Variants in CLSTN1 observed in about 807,000 individuals in gnomAD.
The protein encoded by CLSTN1 is calsyntenin-1.
A neutral mutation model predicts 108.3 loss-of-function variants in CLSTN1; 28 were observed. The observed-to-expected ratio is 0.26, with a 90% CI of 0.19 to 0.35. The LOEUF is 0.35. CLSTN1 is among the 10% of genes least tolerant of loss of function. The pLI is 1.00. For synonymous variants in CLSTN1, 524 were observed against 534.9 expected (o/e 0.98, Z 0.28); for missense variants, 1,157 against 1,302.6 (o/e 0.89, Z 1.72).
chr1:9,756,339 C>T (rs1313905706), intron 3 of CLSTN1, 142 bp downstream of exon 3: 6 of 676,270 alleles, frequency 8.9e-6, no homozygotes, highest in Middle Eastern at 3.9e-4. Flanking sequence ...CATCAATATA[C>T]TTTAAAATAG....
At chr1:9,777,081 G>A (rs1485494542) in intron 1 of CLSTN1, among the ~76,000 whole-genome samples, 1 of 151,902 alleles carries the variant, frequency 6.6e-6, no homozygotes, top group African/African-American at 2.4e-5. Flanking sequence ...TTAGCCGGGT[G>A]TGGTGACACG....
chr1:9,797,577 G>A (rs1654066140), intron 1 of CLSTN1, among the ~76,000 whole-genome samples: 1 of 152,120 alleles, frequency 6.6e-6, no homozygotes, highest in Admixed American at 6.6e-5. Flanking sequence ...GGAGTTGGAG[G>A]TTGCAGTGAG....
At chr1:9,744,898 C>T (rs923058790) in intron 7 of CLSTN1, among the ~76,000 whole-genome samples, 4 of 152,060 alleles carry the variant, frequency 2.6e-5, no homozygotes, top group Non-Finnish European at 2.9e-5. Context: ...GGATTACAGG[C>T]GCGCCCCATT....
At chr1:9,781,261 G>A in intron 1 of CLSTN1, 1 of 750,526 alleles carries the variant, frequency 1.3e-6, no homozygotes, top group Non-Finnish European at 2.4e-6. Context: ...AAATTCTGAT[G>A]AGATATGTCA....
At chr1:9,751,390 G>A (rs772850980) in intron 5 of CLSTN1, 83 bp downstream of exon 5, 18 of 1,336,442 alleles carry the variant, frequency 1.3e-5, no homozygotes, top group Non-Finnish European at 1.9e-5. Flanking sequence ...AAGTTCTGAC[G>A]AAGCACAGAA....
chr1:9,822,030 A>C (rs1047501289), intron 1 of CLSTN1, among the ~76,000 whole-genome samples: 1 of 152,248 alleles, frequency 6.6e-6, no homozygotes, highest in African/African-American at 2.4e-5. Flanking sequence ...GGTGCTATTT[A>C]AGAAAGCACC....
Position 9,755,069 on chromosome 1 carries a change from C to T in CLSTN1, c.440+45G>A, listed in dbSNP as rs143700698. On this transcript the variant is annotated intron_variant, in intron 4 of 18. Coordinates refer to ENST00000377298, the MANE Select transcript of CLSTN1 (RefSeq NM_001009566.3). The stretch of plus-strand genomic sequence containing the variant: ...CTACTATTTTCGTTCTGCGCACACA[C>T]GTTTACTCGGTGGGTTATGTTCACT... The T allele has an allele frequency of 6.4e-6, 10 of 1,556,134 alleles. No homozygotes were observed. In the East Asian group the frequency reaches 1.6e-4, roughly 25 times the overall value.
At chr1:9,782,435 G>GT (rs2101193112) in intron 1 of CLSTN1, among the ~76,000 whole-genome samples, 1 of 152,216 alleles carries the variant, frequency 6.6e-6, no homozygotes, top group African/African-American at 2.4e-5. Flanking sequence ...TATTAGGTAA[G>GT]TAATGTGTTT....
At position 9,809,746 on chromosome 1, in the gene CLSTN1, C is replaced by CA. The variant is rs1351459134; in HGVS notation, c.91+13896dup. On this transcript the variant is annotated intron_variant, in intron 1 of 18. Transcript: ENST00000377298. The stretch of plus-strand genomic sequence containing the variant: ...TAAAACCCCATCTCTACTAAAAATA[C>CA]AAAAATCAGCCGGGCGCGGTGGTGG... Among the ~76,000 whole-genome samples, 3 of 151,816 alleles carry CA rather than the reference C, an allele frequency of 2.0e-5. No homozygotes were observed. In the East Asian group the frequency reaches 5.9e-4, roughly 30 times the overall value.
intron 1 of CLSTN1, among the ~76,000 whole-genome samples, chr1:9,816,820 A>AT (rs1488969260): frequency 6.6e-6 from 1 of 152,032 alleles, no homozygotes; most frequent in Non-Finnish European, 1.5e-5. Context: ...CTAATTTTGT[A>AT]TTTTTTAGTA....
At chr1:9,731,498 C>T (rs1485694226) in intron 17 of CLSTN1, 108 bp from the exon 18 acceptor site, 2 of 1,212,528 alleles carry the variant, frequency 1.6e-6, no homozygotes, top group African/African-American at 1.5e-5. Flanking sequence ...CAGCACGCTT[C>T]AGCTGAACCC....
intron 9 of CLSTN1, among the ~76,000 whole-genome samples, chr1:9,743,492 C>G (rs1557694406): frequency 6.6e-6 from 1 of 152,182 alleles, no homozygotes; most frequent in Admixed American, 6.6e-5. Context: ...TGACTATACA[C>G]AGCCATCCAT....
At chr1:9,758,166 T>C (rs1651908683) in intron 2 of CLSTN1, among the ~76,000 whole-genome samples, 1 of 151,782 alleles carries the variant, frequency 6.6e-6, no homozygotes, top group Admixed American at 6.6e-5. Context: ...GCTAATTTTG[T>C]ATTTTTAGTA....
intron 1 of CLSTN1, among the ~76,000 whole-genome samples, chr1:9,785,331 CTTA>C (rs934530026): frequency 1.3e-5 from 2 of 151,902 alleles, no homozygotes; most frequent in African/African-American, 4.8e-5. Flanking sequence ...TTTAATTACT[CTTA>C]TTTTTTTTTT....
chr1:9,787,564 C>T (rs750969137), intron 1 of CLSTN1, among the ~76,000 whole-genome samples: 1 of 150,832 alleles, frequency 6.6e-6, no homozygotes, highest in African/African-American at 2.4e-5. Context: ...CCACCGTGCC[C>T]GGCTAATTTT....
chr1:9,738,834 A>C (rs1217018700), intron 10 of CLSTN1, among the ~76,000 whole-genome samples: 1 of 152,108 alleles, frequency 6.6e-6, no homozygotes, highest in Non-Finnish European at 1.5e-5. Context: ...TTTTTAGTAG[A>C]GGCAGAGTTT....
chr1:9,781,087 T>G (rs1653220825), intron 1 of CLSTN1: 3 of 682,296 alleles, frequency 4.4e-6, no homozygotes, highest in Non-Finnish European at 5.3e-6. Flanking sequence ...TGCTTGAGAT[T>G]TCAAGAATTT....
At chr1:9,756,685 A>G (rs973541271) in intron 2 of CLSTN1, among the ~76,000 whole-genome samples, 175 bp from the exon 3 acceptor site, 3 of 152,244 alleles carry the variant, frequency 2.0e-5, no homozygotes, top group African/African-American at 7.2e-5. Flanking sequence ...GTCACTTTGA[A>G]TCCAACTTAC....
intron 7 of CLSTN1, among the ~76,000 whole-genome samples, chr1:9,745,427 C>T (rs916899303): frequency 3.3e-5 from 5 of 152,094 alleles, no homozygotes; most frequent in African/African-American, 1.2e-4. Context: ...GAGGCCAAGG[C>T]ACACAGATTG....
Sources: gnomAD v4.1 joint callset for allele counts (sites outside exome capture counted in the v4.1 genomes callset) on GRCh38, gnomAD v4.1.1 for gene constraint, MANE v1.5 for transcripts, NCBI Gene and HGNC (gene_info 2026-07-23, HGNC 2026-07-21) for gene names.